Variants in GRIK2 observed in about 807,000 individuals in gnomAD.
GRIK2 encodes glutamate ionotropic receptor kainate type subunit 2.
Under a neutral mutation model 100.3 loss-of-function variants are expected in GRIK2, and 32 were observed. That is an observed-to-expected ratio of 0.32 (90% CI 0.24 to 0.43). The LOEUF is 0.43. GRIK2 is among the 20% of genes least tolerant of loss of function. The probability of loss-of-function intolerance (pLI) is 1.00; values close to 1 mark genes in which losing one functional copy is unlikely to be tolerated. For synonymous variants in GRIK2, 417 were observed against 389.4 expected, an observed-to-expected ratio of 1.07 and a Z score of -0.83; for missense variants, 843 against 1,114.9, an observed-to-expected ratio of 0.76 and a Z score of 3.47.
intron 2 of GRIK2, among the ~76,000 whole-genome samples, chr6:101,617,997 G>T (rs1026554156): frequency 6.6e-6 from 1 of 151,450 alleles, no homozygotes; most frequent in Non-Finnish European, 1.5e-5. Context: ...ACATATACAC[G>T]TGTGTGTGTC....
At chr6:101,947,025 C>G (rs7768392) in intron 14 of GRIK2, among the ~76,000 whole-genome samples, 10,743 of 151,976 alleles carry the variant, frequency 0.071, 936 homozygotes, top group African/African-American at 0.21. Flanking sequence ...TAGCAAGAAA[C>G]TTTTAAAAAG....
chr6:101,473,005 A>C (rs1772029943), intron 2 of GRIK2, among the ~76,000 whole-genome samples: 1 of 151,608 alleles, frequency 6.6e-6, no homozygotes, highest in Admixed American at 6.6e-5. Context: ...AAATTCTCTC[A>C]TTTCTGTATG....
At chr6:101,626,712 T>C (rs2128318724) in intron 4 of GRIK2, 75 bp downstream of exon 4, 3 of 1,326,038 alleles carry the variant, frequency 2.3e-6, no homozygotes, top group Middle Eastern at 1.9e-4. Context: ...CAGGTTCTTA[T>C]TGTATTCTTA....
chr6:101,746,796 C>T (rs1776445790), intron 7 of GRIK2, among the ~76,000 whole-genome samples: 1 of 151,552 alleles, frequency 6.6e-6, no homozygotes, highest in African/African-American at 2.4e-5. Flanking sequence ...TGCACACACA[C>T]ACACATATAT....
intron 4 of GRIK2, among the ~76,000 whole-genome samples, chr6:101,643,877 AAAC>A (rs1311855537): frequency 4.6e-5 from 7 of 151,918 alleles, no homozygotes; most frequent in African/African-American, 1.4e-4. Context: ...TTTATAAATA[AAAC>A]AACATTTATT....
intron 7 of GRIK2, among the ~76,000 whole-genome samples, chr6:101,794,574 G>T (rs1472738657): frequency 2.0e-5 from 3 of 151,622 alleles, no homozygotes; most frequent in Non-Finnish European, 2.9e-5. Flanking sequence ...TCCAGAATTT[G>T]TTTGGTTCTT....
At chr6:101,826,063 C>T (rs1331555956) in intron 10 of GRIK2, among the ~76,000 whole-genome samples, 1 of 152,032 alleles carries the variant, frequency 6.6e-6, no homozygotes, top group Non-Finnish European at 1.5e-5. Context: ...CAGTACCTTT[C>T]TATTCACCCC....
In GRIK2 at chr6:101,736,558, G is replaced by A. The variant is rs138037015; in HGVS notation, c.951+50205G>A. ...TGCACCCTCTGAAGCCACAGCCTGAGCTCTACATTGGCCCCTTTCAGCCGT... is the reference window on the plus strand; with the variant it reads ...TGCACCCTCTGAAGCCACAGCCTGAACTCTACATTGGCCCCTTTCAGCCGT... On this transcript the variant is annotated intron_variant, in intron 7 of 16. Coordinates refer to ENST00000369134, the MANE Select transcript of GRIK2 (RefSeq NM_021956.5). Among the ~76,000 whole-genome samples, 159 of 152,310 alleles carry A rather than the reference G, an allele frequency of 1.0e-3. 2 individuals are homozygous for A. The highest frequency in any genetic ancestry group is 3.4e-3 in the Middle Eastern group (1 of 294).
chr6:101,641,677 A>G (rs1215189701), intron 4 of GRIK2, among the ~76,000 whole-genome samples: 1 of 152,020 alleles, frequency 6.6e-6, no homozygotes, highest in African/African-American at 2.4e-5. Flanking sequence ...TAGCAAAGAT[A>G]CTTGTATTTG....
chr6:101,915,644 G>C (rs1789053178), intron 12 of GRIK2, among the ~76,000 whole-genome samples: 1 of 151,378 alleles, frequency 6.6e-6, no homozygotes, highest in African/African-American at 2.4e-5. Flanking sequence ...GAAGATTCTT[G>C]TAGTGAATCC....
chr6:101,668,386 C>T (rs1199772776), intron 4 of GRIK2, among the ~76,000 whole-genome samples: 1 of 152,132 alleles, frequency 6.6e-6, no homozygotes, highest in Non-Finnish European at 1.5e-5. Context: ...TAAATTTTCT[C>T]ATTATAGTTA....
chr6:101,567,809 A>G (rs1468688689), intron 2 of GRIK2, among the ~76,000 whole-genome samples: 3 of 152,164 alleles, frequency 2.0e-5, no homozygotes, highest in Middle Eastern at 3.4e-3. Context: ...TTATTAACTC[A>G]TCTTCTGAAT....
chr6:101,923,939 A>C (rs562048915), intron 12 of GRIK2, among the ~76,000 whole-genome samples: 2 of 151,634 alleles, frequency 1.3e-5, no homozygotes, highest in South Asian at 2.1e-4. Context: ...AAAAAAAAAA[A>C]AAAAAAAACC....
intron 16 of GRIK2, among the ~76,000 whole-genome samples, chr6:102,059,735 TAACA>T (rs991803029): frequency 2.6e-5 from 4 of 150,956 alleles, no homozygotes; most frequent in African/African-American, 7.3e-5. Context: ...TGTCTACTTT[TAACA>T]GACATACATA....
At chr6:101,528,863 A>G (rs2128283991) in intron 2 of GRIK2, among the ~76,000 whole-genome samples, 1 of 152,270 alleles carries the variant, frequency 6.6e-6, no homozygotes, top group Non-Finnish European at 1.5e-5. Context: ...GACTCATAGC[A>G]TTCTTTTGGT....
At chr6:101,948,608 T>C (rs1402747376) in intron 14 of GRIK2, among the ~76,000 whole-genome samples, 1 of 150,544 alleles carries the variant, frequency 6.6e-6, no homozygotes, top group Non-Finnish European at 1.5e-5. Flanking sequence ...AGCAGATTTT[T>C]CAGACCCAGA....
At chr6:101,617,892 C>G (rs1206779267) in intron 2 of GRIK2, among the ~76,000 whole-genome samples, 2 of 151,550 alleles carry the variant, frequency 1.3e-5, no homozygotes, top group East Asian at 3.9e-4. Flanking sequence ...ATGTGTGAAT[C>G]CACTAATTCT....
chr6:101,842,405 A>G (rs1783566330), intron 10 of GRIK2, among the ~76,000 whole-genome samples: 1 of 152,030 alleles, frequency 6.6e-6, no homozygotes, highest in Non-Finnish European at 1.5e-5. Context: ...GACTTGGGAC[A>G]TTTTTACTTT....
chr6:101,557,535 T>G (rs955791816), intron 2 of GRIK2, among the ~76,000 whole-genome samples: 1 of 152,166 alleles, frequency 6.6e-6, no homozygotes, highest in African/African-American at 2.4e-5. Context: ...TTTAATAAAG[T>G]GGGGTTTTCT....
Sources: allele counts gnomAD v4.1 joint callset (sites outside exome capture counted in the v4.1 genomes callset), GRCh38; gene constraint gnomAD v4.1.1; transcripts MANE v1.5; gene names NCBI Gene and HGNC (gene_info 2026-07-23, HGNC 2026-07-21).